The following CDH12 variants were observed in gnomAD, a reference collection of about 807,000 sequenced individuals.
CDH12 encodes cadherin 12.
In CDH12, 41 loss-of-function variants were observed where a neutral mutation model predicts 74.1. The observed-to-expected ratio is 0.55, with a 90% CI of 0.43 to 0.72. The LOEUF is 0.72. Among genes scored for constraint, CDH12 ranks in the 30% least tolerant of loss-of-function variants. CDH12 has a pLI of 0.00. For synonymous variants in CDH12, 399 were observed against 355.0 expected (o/e 1.12, Z -1.39); for missense variants, 945 against 977.2 (o/e 0.97, Z 0.44).
intron 1 of CDH12, among the ~76,000 whole-genome samples, chr5:22,681,505 A>T (rs944315125): frequency 2.0e-5 from 3 of 152,010 alleles, no homozygotes; most frequent in African/African-American, 7.2e-5. Flanking sequence ...CAAGATCGGG[A>T]TCTGTCACAT....
At chr5:22,274,654 T>C (rs1031470065) in intron 3 of CDH12, among the ~76,000 whole-genome samples, 4 of 151,992 alleles carry the variant, frequency 2.6e-5, no homozygotes, top group Non-Finnish European at 5.9e-5. Flanking sequence ...TATATGCCAA[T>C]ATATATATAA....
chr5:22,450,368 C>A (rs1176616433), intron 2 of CDH12, among the ~76,000 whole-genome samples: 1 of 151,854 alleles, frequency 6.6e-6, no homozygotes, highest in African/African-American at 2.4e-5. Flanking sequence ...ATGGATCCAC[C>A]TCCTTTCTTC....
intron 4 of CDH12, among the ~76,000 whole-genome samples, chr5:22,112,380 A>AT (rs1166215281): frequency 2.6e-5 from 4 of 152,004 alleles, no homozygotes; most frequent in African/African-American, 9.7e-5. Flanking sequence ...ACGCACACAC[A>AT]TTTCTCTTCA....
intron 5 of CDH12, among the ~76,000 whole-genome samples, chr5:22,072,659 G>A (rs1742031505): frequency 6.6e-6 from 1 of 151,344 alleles, no homozygotes; most frequent in Non-Finnish European, 1.5e-5. Flanking sequence ...GTGCCATGTT[G>A]GTGTGCTGCA....
chr5:22,151,478 T>C (rs1002035428), intron 4 of CDH12, among the ~76,000 whole-genome samples: 1 of 152,160 alleles, frequency 6.6e-6, no homozygotes, highest in Non-Finnish European at 1.5e-5. Context: ...TCAGTTTTTG[T>C]ACCCTGCTGA....
chr5:22,497,291 G>C (rs1747138766), intron 2 of CDH12, among the ~76,000 whole-genome samples: 1 of 152,136 alleles, frequency 6.6e-6, no homozygotes, highest in Non-Finnish European at 1.5e-5. Flanking sequence ...AGGCAGCTCA[G>C]ACTTCATTTG....
chr5:21,767,610 A>G (rs984490626), intron 11 of CDH12, among the ~76,000 whole-genome samples: 3 of 151,730 alleles, frequency 2.0e-5, no homozygotes, highest in Non-Finnish European at 4.4e-5. Context: ...AATTTCCTGA[A>G]GATTAAATGT....
At chr5:22,091,282 TGTGTGTGTGA>T (rs1743416141) in intron 4 of CDH12, among the ~76,000 whole-genome samples, 2 of 149,316 alleles carry the variant, frequency 1.3e-5, no homozygotes, top group Non-Finnish European at 3.0e-5. Context: ...TGTGTTTGTG[TGTGTGTGTGA>T]GAGAGAAAGA....
At chr5:22,627,798 G>T (rs1325924195) in intron 1 of CDH12, among the ~76,000 whole-genome samples, 1 of 152,020 alleles carries the variant, frequency 6.6e-6, no homozygotes, top group African/African-American at 2.4e-5. Flanking sequence ...GGGCAAGTTG[G>T]ATAAAGAAGC....
At chr5:21,939,867 A>G (rs1242731311) in intron 6 of CDH12, among the ~76,000 whole-genome samples, 12 of 152,210 alleles carry the variant, frequency 7.9e-5, no homozygotes, top group African/African-American at 2.4e-4. Context: ...AATTAAAAAT[A>G]TGAGAAAAAG....
intron 2 of CDH12, among the ~76,000 whole-genome samples, chr5:22,416,005 A>G (rs1459946918): frequency 6.6e-6 from 1 of 151,244 alleles, no homozygotes; most frequent in African/African-American, 2.4e-5. Context: ...AAAATGGTAA[A>G]AACTGTTCCC....
rs57044470 is a variant in CDH12, at chr5:21,876,652, T to C, written c.527-21862A>G. On this transcript the variant is annotated intron_variant, in intron 6 of 14. Transcript: ENST00000382254. ...TAGGTTATAGTGTTATAATATTTAA[T>C]AGTCCAAATGTTGCTTGTCTTAACC... 7.7e-3 allele frequency among the ~76,000 whole-genome samples: 1,176 copies of C among 152,366 alleles called. 10 individuals carry two copies. The highest frequency in any genetic ancestry group is 0.027 in the African/African-American group (1,125 of 41,582).
At chr5:21,842,078 A>G in intron 8 of CDH12, 83 bp downstream of exon 8, 1 of 1,016,190 alleles carries the variant, frequency 9.8e-7, no homozygotes, top group Non-Finnish European at 1.5e-6. Flanking sequence ...CTGGAAAATG[A>G]TTGTCATTCC....
chr5:21,799,857 G>A (rs746369524), intron 10 of CDH12, among the ~76,000 whole-genome samples: 1 of 152,290 alleles, frequency 6.6e-6, no homozygotes, highest in Non-Finnish European at 1.5e-5. Context: ...CACTGCACAT[G>A]AGTGAGGACA....
intron 1 of CDH12, among the ~76,000 whole-genome samples, chr5:22,600,807 A>T (rs756266303): frequency 1.1e-4 from 17 of 152,036 alleles, no homozygotes; most frequent in Non-Finnish European, 2.1e-4. Context: ...GGCTTGACAT[A>T]TTTGGAAAAC....
At chr5:22,405,861 G>T (rs1742917364) in intron 2 of CDH12, among the ~76,000 whole-genome samples, 1 of 152,038 alleles carries the variant, frequency 6.6e-6, no homozygotes, top group African/African-American at 2.4e-5. Flanking sequence ...ATATAAAATG[G>T]CATAGTATTT....
At position 22,208,531 on chromosome 5, in the gene CDH12, T is replaced by A. The variant is rs564172111; in HGVS notation, c.-187+3967A>T. ...TTCCACAGACTGTCCTTTTTACGTTTCTCAACTTCTTTTCCTGGCCACTAA... is the reference window on the plus strand; with the variant it reads ...TTCCACAGACTGTCCTTTTTACGTTACTCAACTTCTTTTCCTGGCCACTAA... On this transcript the variant is annotated intron_variant, in intron 4 of 14. Transcript: ENST00000382254. Among the ~76,000 whole-genome samples, 6 of 152,360 alleles carry A rather than the reference T, an allele frequency of 3.9e-5. No homozygotes were observed. In the South Asian group the frequency reaches 1.2e-3, roughly 32 times the overall value.
chr5:21,886,116 A>T (rs1752614396), intron 6 of CDH12, among the ~76,000 whole-genome samples: 1 of 152,134 alleles, frequency 6.6e-6, no homozygotes, highest in Non-Finnish European at 1.5e-5. Flanking sequence ...CTGTGCTTTC[A>T]TGTTGCTCTC....
At chr5:21,786,641 A>G (rs752474715) in intron 10 of CDH12, among the ~76,000 whole-genome samples, 49 of 152,218 alleles carry the variant, frequency 3.2e-4, no homozygotes, top group Admixed American at 9.8e-4. Context: ...TAGACAAAAA[A>G]TGTAATTTTG....
Sources: gnomAD v4.1 joint callset for allele counts (sites outside exome capture counted in the v4.1 genomes callset) on GRCh38, gnomAD v4.1.1 for gene constraint, MANE v1.5 for transcripts, NCBI Gene and HGNC (gene_info 2026-07-23, HGNC 2026-07-21) for gene names.